Variants in MAMDC2 observed in about 807,000 individuals in gnomAD.
The protein encoded by MAMDC2 is MAM domain containing 2, also known as MAM domain-containing protein 2.
In MAMDC2, 57 loss-of-function variants were observed where a neutral mutation model predicts 89.8. That is an observed-to-expected ratio of 0.63 (90% CI 0.51 to 0.79). MAMDC2 has a LOEUF of 0.79. Ranked by LOEUF, MAMDC2 falls within the 30% of genes least tolerant of loss-of-function variation. MAMDC2 has a pLI of 0.00. For synonymous variants in MAMDC2, 313 were observed against 293.4 expected (o/e 1.07, Z -0.68); for missense variants, 800 against 820.6 (o/e 0.97, Z 0.31).
chr9:70,188,784 T>TTTTTTTTA (rs1554680332), intron 11 of MAMDC2: 1 of 149,018 alleles, frequency 6.7e-6, no homozygotes, highest in African/African-American at 2.5e-5. Flanking sequence ...TTTTTTTTTT[T>TTTTTTTTA]AGAAAGAAGT....
intron 7 of MAMDC2, among the ~76,000 whole-genome samples, chr9:70,136,749 T>C (rs2031026822): frequency 6.6e-6 from 1 of 152,218 alleles, no homozygotes; most frequent in Non-Finnish European, 1.5e-5. Flanking sequence ...GATGGCCCTC[T>C]GTAGATTTGG....
At chr9:70,060,865 A>T (rs1051977786) in intron 2 of MAMDC2, among the ~76,000 whole-genome samples, 6 of 152,180 alleles carry the variant, frequency 3.9e-5, no homozygotes, top group Non-Finnish European at 4.4e-5. Flanking sequence ...AGCCACTGAT[A>T]CCTGGAACCC....
intron 9 of MAMDC2, among the ~76,000 whole-genome samples, chr9:70,151,242 CCA>C (rs1421726902): frequency 6.6e-6 from 1 of 152,228 alleles, no homozygotes; most frequent in Non-Finnish European, 1.5e-5. Flanking sequence ...CAGTTTATAA[CCA>C]CTTTCCTCAT....
rs766871165 is a variant in MAMDC2 at position 70,113,070 on chromosome 9, G to A, written c.581G>A (p.Gly194Glu). 2.5e-6 allele frequency: 4 copies of A among 1,614,008 alleles called. No homozygotes were observed. The highest frequency in any genetic ancestry group is 4.5e-5 in the East Asian group (2 of 44,884). Reference sequence around the variant, plus strand: ...CCCAATGTGAACTGGTTTGTTGGAGGAGGAAGTATTCGGAATGTCCACTCC... The same window carrying A: ...CCCAATGTGAACTGGTTTGTTGGAGAAGGAAGTATTCGGAATGTCCACTCC... Reference protein sequence around the residue: ...WNPNVNWFVGGGSIRNVHSIL... With the variant: ...WNPNVNWFVGEGSIRNVHSIL... Residue 194 changes from glycine to glutamate, a missense_variant, in exon 5 of 14, where the codon GGA (glycine) becomes GAA (glutamate). Gly to Glu is a moderately conservative substitution (Grantham distance 98). Transcript: ENST00000377182.
At chr9:70,051,413 GA>G (rs1159098186) in intron 2 of MAMDC2, among the ~76,000 whole-genome samples, 3 of 152,070 alleles carry the variant, frequency 2.0e-5, no homozygotes, top group Non-Finnish European at 2.9e-5. Flanking sequence ...ATGTGGGGAG[GA>G]AAAAAATAAT....
intron 7 of MAMDC2, among the ~76,000 whole-genome samples, chr9:70,137,443 C>A (rs568194379): frequency 1.3e-5 from 2 of 152,242 alleles, no homozygotes; most frequent in East Asian, 1.9e-4. Context: ...AACTTACTTT[C>A]GGTCCATACA....
At chr9:70,205,429 T>C (rs1488810975) in intron 11 of MAMDC2, among the ~76,000 whole-genome samples, 4 of 152,192 alleles carry the variant, frequency 2.6e-5, no homozygotes, top group Non-Finnish European at 2.9e-5. Flanking sequence ...GGTATCTTTT[T>C]CCCCTGATTT....
chr9:70,129,945 T>C (rs2030720685), intron 6 of MAMDC2, among the ~76,000 whole-genome samples: 2 of 151,986 alleles, frequency 1.3e-5, no homozygotes, highest in African/African-American at 4.8e-5. Flanking sequence ...TTTCTGGTGG[T>C]GTGCTGGCAA....
chr9:70,112,920 G>A (rs1828548104), intron 4 of MAMDC2, 75 bp from the exon 5 acceptor site: 9 of 1,570,142 alleles, frequency 5.7e-6, no homozygotes, highest in Non-Finnish European at 7.9e-6. Flanking sequence ...ATATCTAAGA[G>A]CAAACTCTGT....
In MAMDC2 at chr9:70,168,558, A is replaced by G. The variant is rs1338297217; in HGVS notation, c.1405-144A>G. On this transcript the variant is annotated intron_variant, in intron 9 of 13. Transcript: ENST00000377182. ...GCAGATGGTAACCATTCTTCTTCCTACTGTGTTCTGTTGTTCATACGGACG... is the reference window on the plus strand; with the variant it reads ...GCAGATGGTAACCATTCTTCTTCCTGCTGTGTTCTGTTGTTCATACGGACG... 6 of 612,714 alleles carry G rather than the reference A, an allele frequency of 9.8e-6. No individual in the cohort carries two copies. The East Asian group carries it at 1.7e-4, about 17-fold the overall frequency. 38.0% of individuals were successfully genotyped at this position (612,714 alleles called of 1,614,324 possible). A position where few individuals can be genotyped will look rare whatever the true frequency, so the allele number is the denominator to read the frequency against.
chr9:70,124,378 G>A (rs1035789793), intron 5 of MAMDC2, among the ~76,000 whole-genome samples: 1 of 152,158 alleles, frequency 6.6e-6, no homozygotes, highest in African/African-American at 2.4e-5. Flanking sequence ...ATTTGAGTTT[G>A]TAATCTCTGT....
At chr9:70,135,610 G>T (rs900839405) in intron 7 of MAMDC2, among the ~76,000 whole-genome samples, 27 of 152,016 alleles carry the variant, frequency 1.8e-4, no homozygotes, top group African/African-American at 5.6e-4. Context: ...AAGTGATCCT[G>T]GCTTACTTTT....
chr9:70,180,773 T>C (rs749197048), intron 11 of MAMDC2, among the ~76,000 whole-genome samples: 1 of 152,226 alleles, frequency 6.6e-6, no homozygotes, highest in African/African-American at 2.4e-5. Context: ...CTTTGTCAGA[T>C]TGATAGATTG....
intron 11 of MAMDC2, among the ~76,000 whole-genome samples, chr9:70,189,934 TCTTA>T (rs1365993461): frequency 1.3e-5 from 2 of 152,264 alleles, no homozygotes; most frequent in African/African-American, 2.4e-5. Flanking sequence ...CGTACATGGT[TCTTA>T]CTTATAATTT....
chr9:70,206,879 G>A (rs1442618483), intron 11 of MAMDC2, among the ~76,000 whole-genome samples: 1 of 152,100 alleles, frequency 6.6e-6, no homozygotes, highest in Non-Finnish European at 1.5e-5. Flanking sequence ...AACATGCAGT[G>A]TTTGGTTTTC....
intron 6 of MAMDC2, among the ~76,000 whole-genome samples, chr9:70,127,330 G>A (rs1365792074): frequency 1.3e-5 from 2 of 152,182 alleles, no homozygotes; most frequent in Non-Finnish European, 2.9e-5. Flanking sequence ...CGAAAGCTGA[G>A]GAAGGAGGCC....
At chr9:70,167,751 T>C (rs1187283066) in intron 9 of MAMDC2, among the ~76,000 whole-genome samples, 2 of 152,194 alleles carry the variant, frequency 1.3e-5, no homozygotes, top group Non-Finnish European at 2.9e-5. Context: ...TCTGGAACAG[T>C]AGATTTAATA....
At chr9:70,069,447 T>G (rs1359231705) in intron 2 of MAMDC2, among the ~76,000 whole-genome samples, 3 of 152,240 alleles carry the variant, frequency 2.0e-5, no homozygotes, top group Non-Finnish European at 4.4e-5. Flanking sequence ...CTCAAAGTTT[T>G]TGTGTATCAA....
At chr9:70,079,892 C>T (rs1056428564) in intron 2 of MAMDC2, among the ~76,000 whole-genome samples, 1 of 152,030 alleles carries the variant, frequency 6.6e-6, no homozygotes, top group African/African-American at 2.4e-5. Flanking sequence ...TGTGCAGCTG[C>T]AGTCGATTAA....
Sources: allele counts gnomAD v4.1 joint callset (sites outside exome capture counted in the v4.1 genomes callset), GRCh38; gene constraint gnomAD v4.1.1; transcripts MANE v1.5; gene names NCBI Gene and HGNC (gene_info 2026-07-23, HGNC 2026-07-21).